The following PDS5B variants were observed in gnomAD, a reference collection of about 807,000 sequenced individuals.
PDS5B encodes sister chromatid cohesion protein PDS5 homolog B.
Under a neutral mutation model 184.1 loss-of-function variants are expected in PDS5B, and 51 were observed. The ratio of observed to expected loss-of-function variants is 0.28; its 90% CI spans 0.22 to 0.35. PDS5B has a LOEUF of 0.35. Ranked by LOEUF, PDS5B falls within the 10% of genes least tolerant of loss-of-function variation. PDS5B has a pLI of 1.00. For synonymous variants in PDS5B, 566 were observed against 569.2 expected (o/e 0.99, Z 0.08); for missense variants, 1,180 against 1,723.3 (o/e 0.68, Z 5.58).
chr13:32,644,516 C>T (rs1950172664), intron 1 of PDS5B, among the ~76,000 whole-genome samples: 1 of 151,800 alleles, frequency 6.6e-6, no homozygotes, highest in African/African-American at 2.4e-5. Flanking sequence ...ATTTTAAATC[C>T]TTATACCCTT....
chr13:32,750,339 T>C (rs1251480586), intron 24 of PDS5B, among the ~76,000 whole-genome samples: 2 of 152,226 alleles, frequency 1.3e-5, no homozygotes, highest in Admixed American at 6.5e-5. Context: ...CATTTGTGAA[T>C]ACGCTTGTGA....
At chr13:32,589,401 G>A (rs1295004937) in intron 1 of PDS5B, among the ~76,000 whole-genome samples, 2 of 152,024 alleles carry the variant, frequency 1.3e-5, no homozygotes, top group African/African-American at 2.4e-5. Flanking sequence ...GTGGTTAGCC[G>A]TCTGTTTCAG....
At chr13:32,721,014 A>C (rs1952659319) in intron 19 of PDS5B, among the ~76,000 whole-genome samples, 1 of 152,212 alleles carries the variant, frequency 6.6e-6, no homozygotes, top group Admixed American at 6.5e-5. Flanking sequence ...TTAGTACAGA[A>C]CAAAATGGAG....
intron 1 of PDS5B, among the ~76,000 whole-genome samples, chr13:32,627,870 A>G (rs987317364): frequency 2.6e-5 from 4 of 152,170 alleles, no homozygotes; most frequent in Non-Finnish European, 5.9e-5. Context: ...GAAAGTAAGA[A>G]GGGAGAGAAA....
intron 6 of PDS5B, among the ~76,000 whole-genome samples, chr13:32,660,260 C>G (rs1950609376): frequency 6.6e-6 from 1 of 152,184 alleles, no homozygotes; most frequent in African/African-American, 2.4e-5. Flanking sequence ...AGAGGCTCTT[C>G]CCATCGTCTC....
intron 11 of PDS5B, 54 bp from the exon 12 acceptor site, chr13:32,687,080 A>T: frequency 7.2e-7 from 1 of 1,389,414 alleles, no homozygotes; most frequent in Non-Finnish European, 9.8e-7. Flanking sequence ...GACTTTCCTT[A>T]ATTTATATAA....
chr13:32,660,087 TG>T (rs1950604013), intron 6 of PDS5B, among the ~76,000 whole-genome samples: 1 of 151,954 alleles, frequency 6.6e-6, no homozygotes, highest in Non-Finnish European at 1.5e-5. Context: ...TGGTGTGCTG[TG>T]GGTTCCTAGT....
At chr13:32,731,576 C>T (rs1202940802) in intron 19 of PDS5B, among the ~76,000 whole-genome samples, 1 of 152,058 alleles carries the variant, frequency 6.6e-6, no homozygotes, top group Non-Finnish European at 1.5e-5. Context: ...TTTATCTTGT[C>T]CCTAAAATGC....
intron 1 of PDS5B, among the ~76,000 whole-genome samples, chr13:32,641,743 A>T (rs1950096118): frequency 6.6e-6 from 1 of 151,826 alleles, no homozygotes. Flanking sequence ...CATTTTCTTT[A>T]CTCATCTTGT....
rs1452160396 is a variant in PDS5B at position 32,768,796 on chromosome 13, AAAAAAAAAAAG to A, written c.3625-1314_3625-1304del. On this transcript the variant is annotated intron_variant, in intron 31 of 34. Coordinates refer to ENST00000315596, the MANE Select transcript of PDS5B (RefSeq NM_015032.4). ...TGACAGAGCGAGACTCTGTCTCAAA[AAAAAAAAAAAG>A]AAAAAAAAAAAAAGCTGGGTGCAGT... Among the ~76,000 whole-genome samples, 139 of 90,336 alleles carry A rather than the reference AAAAAAAAAAAG, an allele frequency of 1.5e-3. 2 individuals are homozygous for A. Among genetic ancestry groups the A allele is most frequent in the African/African-American group, 2.9e-3 (75 of 25,850 alleles). The allele number at this position is 90,336 out of a possible 152,430, so 59.3% of individuals were successfully genotyped here. A position where few individuals can be genotyped will look rare whatever the true frequency, so the allele number is the denominator to read the frequency against.
intron 31 of PDS5B, among the ~76,000 whole-genome samples, chr13:32,768,327 T>A (rs1316741977): frequency 3.3e-5 from 5 of 152,122 alleles, no homozygotes; most frequent in African/African-American, 4.8e-5. Context: ...CTCACTGATG[T>A]TTCCTCTTAT....
chr13:32,721,468 C>A (rs1291414318), intron 19 of PDS5B, among the ~76,000 whole-genome samples: 14 of 150,720 alleles, frequency 9.3e-5, no homozygotes, highest in African/African-American at 2.9e-4. Flanking sequence ...GGCAGAGGTG[C>A]TCCTCAGTTT....
chr13:32,647,317 G>A (rs988532591), intron 1 of PDS5B, among the ~76,000 whole-genome samples: 1 of 151,984 alleles, frequency 6.6e-6, no homozygotes, highest in Non-Finnish European at 1.5e-5. Flanking sequence ...TTTGAGACAG[G>A]TGGAATGCAG....
Position 32,678,863 on chromosome 13 carries a change from C to T in PDS5B, c.991C>T (p.Leu331=), listed in dbSNP as rs370227095. Residue 331 remains leucine (L), a synonymous_variant, in exon 10 of 35, where the codon CTG becomes TTG. Coordinates refer to ENST00000315596, the MANE Select transcript of PDS5B (RefSeq NM_015032.4). ...TAATGATATCCATGTACCAATCCGCCTGGAATGTGTGAAATTTGCTAGCCA... is the reference window on the plus strand; with the variant it reads ...TAATGATATCCATGTACCAATCCGCTTGGAATGTGTGAAATTTGCTAGCCA... ...RFNDIHVPIR[L]ECVKFASHCL... is the part of the protein sequence containing the mutation. 2.5e-4 allele frequency: 396 copies of T among 1,607,518 alleles called. No homozygotes were observed. Among genetic ancestry groups the T allele is most frequent in the Non-Finnish European group, 3.3e-4 (385 of 1,174,300 alleles).
At chr13:32,698,728 A>G (rs1267037579) in intron 15 of PDS5B, among the ~76,000 whole-genome samples, 1 of 151,676 alleles carries the variant, frequency 6.6e-6, no homozygotes, top group African/African-American at 2.4e-5. Context: ...TCGAATTTCT[A>G]CTACTATTTC....
chr13:32,682,379 A>G (rs989810334), intron 10 of PDS5B, among the ~76,000 whole-genome samples: 1 of 152,122 alleles, frequency 6.6e-6, no homozygotes, highest in Non-Finnish European at 1.5e-5. Context: ...TGAATCATAC[A>G]ATGTGTACTA....
At chr13:32,679,232 A>G (rs940200331) in intron 10 of PDS5B, among the ~76,000 whole-genome samples, 1 of 152,210 alleles carries the variant, frequency 6.6e-6, no homozygotes, top group African/African-American at 2.4e-5. Context: ...CATTAGTCTT[A>G]TAATCTAGTC....
intron 21 of PDS5B, among the ~76,000 whole-genome samples, chr13:32,736,822 A>T (rs922265880): frequency 6.6e-6 from 1 of 151,440 alleles, no homozygotes; most frequent in Non-Finnish European, 1.5e-5. Flanking sequence ...CAGCCTCCTC[A>T]TGCTTCAGTT....
intron 1 of PDS5B, among the ~76,000 whole-genome samples, chr13:32,607,083 G>T (rs1341681385): frequency 6.6e-6 from 1 of 152,230 alleles, no homozygotes; most frequent in Non-Finnish European, 1.5e-5. Flanking sequence ...TCTCCGTCCA[G>T]CTTTGTTCCA....
Sources: allele counts gnomAD v4.1 joint callset (sites outside exome capture counted in the v4.1 genomes callset), GRCh38; gene constraint gnomAD v4.1.1; transcripts MANE v1.5; gene names NCBI Gene and HGNC (gene_info 2026-07-23, HGNC 2026-07-21).